Variants in ABR observed in about 807,000 individuals in gnomAD.
ABR encodes the protein active breakpoint cluster region-related protein.
In ABR, 35 loss-of-function variants were observed where a neutral mutation model predicts 107.2. The observed-to-expected ratio is 0.33, with a 90% CI of 0.25 to 0.43. The LOEUF (loss-of-function observed/expected upper bound fraction) is 0.43, where lower values mean the gene tolerates loss of function less well. ABR is among the 20% of genes least tolerant of loss of function. The pLI, the probability that ABR is intolerant of heterozygous loss-of-function variation, is 1.00. For synonymous variants in ABR, 498 were observed against 462.0 expected, an observed-to-expected ratio of 1.08 and a Z score of -1.00; for missense variants, 815 against 1,115.2, an observed-to-expected ratio of 0.73 and a Z score of 3.83.
At chr17:1,209,995 A>G (rs1299307569) in intron 1 of ABR, among the ~76,000 whole-genome samples, 4 of 152,242 alleles carry the variant, frequency 2.6e-5, no homozygotes, top group African/African-American at 7.2e-5. Context: ...AAACAGATAC[A>G]TATGCCAAAG....
intron 10 of ABR, among the ~76,000 whole-genome samples, chr17:1,062,626 G>C (rs2034144816): frequency 6.9e-6 from 1 of 144,326 alleles, no homozygotes; most frequent in South Asian, 2.3e-4. Flanking sequence ...CTGTTGTTAT[G>C]TGAACTGAGG....
rs563686646 is a variant in ABR at position 1,037,745 on chromosome 17, A to G, written c.1791+12305T>C. Among the ~76,000 whole-genome samples the G allele has an allele frequency of 2.3e-4, 35 of 152,176 alleles. No individual in the cohort carries two copies. The highest frequency in any genetic ancestry group is 1.9e-3 in the South Asian group (9 of 4,826). ...TGAGGCAGGAGGGGCTGAGGCCTGA[A>G]GGTGGGATGGGGTCGCCGAGCCTCC... On this transcript the variant is annotated intron_variant, in intron 16 of 22. Transcript: ENST00000302538. This position sits in a 1 kb window ranked among gnomAD's most constrained non-coding sequence, Gnocchi z 4.6.
At chr17:1,031,123 C>G (rs1484345072) in intron 16 of ABR, among the ~76,000 whole-genome samples, 3 of 152,192 alleles carry the variant, frequency 2.0e-5, no homozygotes, top group Non-Finnish European at 4.4e-5. Context: ...AGCCTCGAGC[C>G]CCCAGACCCG....
chr17:1,076,714 C>CGG lies in ABR; in HGVS notation c.700+2614_700+2615dup, dbSNP rs376868048. ...AAGGGCGGCCAGGAGGGCAGGTGCACGGGGGGGGTGGGGGTGGGGGGGGTG... is the reference window on the plus strand; with the variant it reads ...AAGGGCGGCCAGGAGGGCAGGTGCACGGGGGGGGGGTGGGGGTGGGGGGGGTG... On this transcript the variant is annotated intron_variant, in intron 6 of 22. Coordinates refer to ENST00000302538, the MANE Select transcript of ABR (RefSeq NM_021962.5). Among the ~76,000 whole-genome samples the CGG allele has an allele frequency of 4.9e-3, 206 of 42,124 alleles. 5 individuals are homozygous for CGG. Among genetic ancestry groups the CGG allele is most frequent in the Middle Eastern group, 0.018 (2 of 110 alleles). The allele number at this position is 42,124 out of a possible 152,430, so 27.6% of individuals were successfully genotyped here.
intron 9 of ABR, among the ~76,000 whole-genome samples, chr17:1,068,453 C>G (rs1395180735): frequency 6.6e-6 from 1 of 152,172 alleles, no homozygotes; most frequent in Non-Finnish European, 1.5e-5. Context: ...CTTGGGGGCA[C>G]AGCCAACCAG....
chr17:1,115,673 C>T (rs914775506), intron 2 of ABR, among the ~76,000 whole-genome samples: 7 of 152,256 alleles, frequency 4.6e-5, no homozygotes, highest in South Asian at 4.1e-4. Context: ...GCCTGTAATC[C>T]CAGCACTTTG....
upstream of ABR, among the ~76,000 whole-genome samples, chr17:1,188,070 C>T (rs778162956): frequency 6.6e-6 from 1 of 151,836 alleles, no homozygotes; most frequent in Non-Finnish European, 1.5e-5. Flanking sequence ...ACAAAATTAG[C>T]CGGACATGGT....
intron 4 of ABR, among the ~76,000 whole-genome samples, chr17:1,089,440 G>A (rs1001724150): frequency 2.0e-5 from 3 of 152,262 alleles, no homozygotes; most frequent in African/African-American, 4.8e-5. Flanking sequence ...GGTTGGGTAA[G>A]TTGCCCAGTT....
At chr17:1,206,185 G>A (rs563365373) in intron 1 of ABR, among the ~76,000 whole-genome samples, 5 of 152,292 alleles carry the variant, frequency 3.3e-5, no homozygotes, top group African/African-American at 1.2e-4. Context: ...CAGAGAGGTT[G>A]AGGCTGCAGT....
chr17:1,144,588 CA>C (rs60536584), intron 1 of ABR, among the ~76,000 whole-genome samples: 1,957 of 140,786 alleles, frequency 0.014, 34 homozygotes, highest in African/African-American at 0.042. Context: ...GTCAATCAGG[CA>C]AAAAAAAAAA....
chr17:1,147,962 G>C (rs2040624205), intron 1 of ABR, among the ~76,000 whole-genome samples: 1 of 152,228 alleles, frequency 6.6e-6, no homozygotes, highest in Non-Finnish European at 1.5e-5. Flanking sequence ...CAACGGCTTA[G>C]TGTTGGGTAG....
intron 16 of ABR, among the ~76,000 whole-genome samples, chr17:1,048,444 T>C (rs1209378751): frequency 6.6e-5 from 10 of 152,370 alleles, no homozygotes; most frequent in Non-Finnish European, 1.3e-4. Flanking sequence ...TCGGTGGCCA[T>C]GACAATGCAT....
intron 5 of ABR, among the ~76,000 whole-genome samples, chr17:1,081,850 G>T (rs973489804): frequency 3.3e-5 from 5 of 151,874 alleles, no homozygotes; most frequent in African/African-American, 1.2e-4. Context: ...GTGCTGGGAT[G>T]ACAGGTGTGA....
intron 1 of ABR, among the ~76,000 whole-genome samples, chr17:1,171,734 C>G (rs567403616): frequency 3.3e-5 from 5 of 152,286 alleles, no homozygotes; most frequent in African/African-American, 1.2e-4. Flanking sequence ...GAGTTCGAGA[C>G]CAGCCTGATC....
chr17:1,221,921 A>G (rs942024618), intron 1 of ABR, among the ~76,000 whole-genome samples: 3 of 152,190 alleles, frequency 2.0e-5, no homozygotes, highest in Non-Finnish European at 2.9e-5. Context: ...AGAGAAAGGC[A>G]AACAAATAAG....
chr17:1,123,571 G>T (rs1210938117), intron 2 of ABR, among the ~76,000 whole-genome samples: 1 of 152,244 alleles, frequency 6.6e-6, no homozygotes, highest in Non-Finnish European at 1.5e-5. Context: ...ACAGGGCACA[G>T]GGACAGGGAG....
chr17:1,115,398 C>G (rs1464029589), intron 2 of ABR: 1 of 152,378 alleles, frequency 6.6e-6, no homozygotes, highest in African/African-American at 2.4e-5. Flanking sequence ...CCCTGGCTCT[C>G]CCAGCTTTCC....
intron 1 of ABR, among the ~76,000 whole-genome samples, chr17:1,160,959 G>A (rs184655960): frequency 1.5e-3 from 223 of 152,330 alleles, no homozygotes; most frequent in African/African-American, 5.0e-3. Flanking sequence ...CCACCTGTAC[G>A]AGTGCTGCAG....
chr17:1,217,287 T>C (rs1246347222), intron 1 of ABR, among the ~76,000 whole-genome samples: 1 of 152,226 alleles, frequency 6.6e-6, no homozygotes, highest in Admixed American at 6.5e-5. Flanking sequence ...GATGCTTCGC[T>C]GTTCCAGCTC....
Sources: gnomAD v4.1 joint callset for allele counts (sites outside exome capture counted in the v4.1 genomes callset) on GRCh38, gnomAD v4.1.1 for gene constraint, Gnocchi (gnomAD v3.1) non-coding constraint, MANE v1.5 for transcripts, NCBI Gene and HGNC (gene_info 2026-07-23, HGNC 2026-07-21) for gene names.